Variants in GABRB1 observed in about 807,000 individuals in gnomAD.
GABRB1 encodes gamma-aminobutyric acid receptor subunit beta-1.
In GABRB1, 17 loss-of-function variants were observed where a neutral mutation model predicts 51.6. The observed-to-expected ratio is 0.33, with a 90% CI of 0.23 to 0.49. The LOEUF (loss-of-function observed/expected upper bound fraction) is 0.49. Ranked by LOEUF, GABRB1 falls within the 20% of genes least tolerant of loss-of-function variation. The pLI is 0.99. For missense variants in GABRB1, 410 were observed against 600.6 expected, an observed-to-expected ratio of 0.68 and a Z score of 3.32; for synonymous variants, 247 against 218.9, an observed-to-expected ratio of 1.13 and a Z score of -1.14.
In GABRB1 at chr4:47,354,989, T is replaced by TG. The variant is rs1372730294; in HGVS notation, c.544+34780_544+34781insG. Among the ~76,000 whole-genome samples the TG allele has an allele frequency of 9.3e-3, 1,206 of 130,328 alleles. 71 individuals are homozygous for TG. The highest frequency in any genetic ancestry group is 0.03 in the African/African-American group (1,033 of 34,098). The allele number at this position is 130,328 out of a possible 152,430, so 85.5% of individuals were successfully genotyped here. On this transcript the variant is annotated intron_variant, in intron 5 of 8. Transcript: ENST00000295454. The stretch of plus-strand genomic sequence containing the variant: ...CTTTCTTTCTTCCTTTGTTTTTTTT[T>TG]TTTTTTTTTTTTTTTTGACAGAATC...
chr4:47,261,927 A>G (rs906776562), intron 4 of GABRB1, among the ~76,000 whole-genome samples: 2 of 152,030 alleles, frequency 1.3e-5, no homozygotes, highest in African/African-American at 2.4e-5. Flanking sequence ...AAGCTGAGAA[A>G]AACAAGCAAT....
At chr4:47,263,199 TA>T (rs1293909469) in intron 4 of GABRB1, among the ~76,000 whole-genome samples, 3 of 98,180 alleles carry the variant, frequency 3.1e-5, no homozygotes, top group African/African-American at 7.2e-5. Context: ...ATAATAATAA[TA>T]AATAAATAAA....
chr4:47,306,621 C>T (rs2109945983), intron 4 of GABRB1, among the ~76,000 whole-genome samples: 1 of 152,166 alleles, frequency 6.6e-6, no homozygotes, highest in Admixed American at 6.6e-5. Flanking sequence ...ACTGTGTATC[C>T]TTTCAATGTG....
intron 1 of GABRB1, among the ~76,000 whole-genome samples, chr4:47,019,138 T>G (rs542777206): frequency 2.0e-5 from 3 of 152,262 alleles, no homozygotes; most frequent in South Asian, 4.1e-4. Context: ...AAATATGAAT[T>G]TCTCATCTGA....
At position 47,367,721 on chromosome 4, in the gene GABRB1, C is replaced by T. The variant is rs116996181; in HGVS notation, c.545-35597C>T. Among the ~76,000 whole-genome samples the T allele has an allele frequency of 1.2e-4, 19 of 152,326 alleles. No homozygotes were observed. The East Asian group carries it at 3.3e-3, about 26-fold the overall frequency. On this transcript the variant is annotated intron_variant, in intron 5 of 8. Transcript: ENST00000295454. ...ATTGCCCTGTATATTAGGTGGGACA[C>T]AGACCAGATTGCTAGAACAAATAAA...
intron 5 of GABRB1, among the ~76,000 whole-genome samples, chr4:47,361,694 C>T (rs1046720147): frequency 5.9e-5 from 9 of 152,082 alleles, no homozygotes; most frequent in African/African-American, 2.2e-4. Flanking sequence ...AGAGAAATTC[C>T]AGTGTTAAAA....
At chr4:47,417,990 GA>G (rs578209463) in intron 8 of GABRB1, among the ~76,000 whole-genome samples, 86 of 152,332 alleles carry the variant, frequency 5.6e-4, no homozygotes, top group Non-Finnish European at 1.0e-3. Flanking sequence ...GGGCAGAGAG[GA>G]GATAGTGAGT....
intron 4 of GABRB1, among the ~76,000 whole-genome samples, chr4:47,173,213 G>C (rs1009493813): frequency 5.3e-5 from 8 of 152,238 alleles, no homozygotes; most frequent in African/African-American, 1.7e-4. Context: ...TTATTGAAGA[G>C]AGAAATTTTT....
At chr4:47,080,156 T>A (rs2109564764) in intron 3 of GABRB1, among the ~76,000 whole-genome samples, 2 of 152,166 alleles carry the variant, frequency 1.3e-5, no homozygotes, top group Middle Eastern at 6.8e-3. Context: ...GAAATCCTCA[T>A]ACCATCAAGG....
At chr4:47,256,314 A>G (rs1325295969) in intron 4 of GABRB1, among the ~76,000 whole-genome samples, 1 of 152,246 alleles carries the variant, frequency 6.6e-6, no homozygotes, top group Non-Finnish European at 1.5e-5. Flanking sequence ...GTTTACATAC[A>G]TGCTAAAATA....
intron 4 of GABRB1, among the ~76,000 whole-genome samples, chr4:47,179,495 C>T (rs1718855225): frequency 6.6e-6 from 1 of 151,966 alleles, no homozygotes; most frequent in African/African-American, 2.4e-5. Flanking sequence ...ATGTTTATTG[C>T]AGCACTTTTC....
At chr4:47,088,578 C>T (rs1443185780) in intron 3 of GABRB1, among the ~76,000 whole-genome samples, 2 of 152,184 alleles carry the variant, frequency 1.3e-5, no homozygotes, top group African/African-American at 4.8e-5. Flanking sequence ...GCAGGCTGAC[C>T]TATCCAGGCC....
chr4:47,029,967 C>CT (rs1200489077), upstream of GABRB1, among the ~76,000 whole-genome samples: 1 of 152,108 alleles, frequency 6.6e-6, no homozygotes, highest in Non-Finnish European at 1.5e-5. Flanking sequence ...TATTCCTTCT[C>CT]TTTTTTTCTT....
chr4:47,043,507 C>A (rs62305280), intron 3 of GABRB1, among the ~76,000 whole-genome samples: 75,912 of 151,808 alleles, frequency 0.5, 19,173 homozygotes, highest in Non-Finnish European at 0.53. Flanking sequence ...TCACTGTTAC[C>A]AGACATAAAT....
chr4:47,385,943 G>A (rs142835349), intron 5 of GABRB1, among the ~76,000 whole-genome samples: 53 of 152,290 alleles, frequency 3.5e-4, no homozygotes, highest in African/African-American at 1.1e-3. Flanking sequence ...GGCAAAGAAT[G>A]GCAGGGAGTT....
chr4:47,344,707 G>T (rs1170067874), intron 5 of GABRB1, among the ~76,000 whole-genome samples: 4 of 150,792 alleles, frequency 2.7e-5, no homozygotes, highest in African/African-American at 9.7e-5. Context: ...GTTTTGTTTT[G>T]TGTGTGTGTT....
At chr4:47,292,736 G>A (rs1723796552) in intron 4 of GABRB1, among the ~76,000 whole-genome samples, 1 of 152,180 alleles carries the variant, frequency 6.6e-6, no homozygotes, top group Admixed American at 6.5e-5. Flanking sequence ...CAAGATTGAG[G>A]AGGGCCTGGC....
chr4:47,089,660 T>A (rs1465960224), intron 3 of GABRB1, among the ~76,000 whole-genome samples: 1 of 152,164 alleles, frequency 6.6e-6, no homozygotes, highest in Non-Finnish European at 1.5e-5. Flanking sequence ...AATATTCAGA[T>A]TCAAATATTA....
intron 3 of GABRB1, among the ~76,000 whole-genome samples, chr4:47,040,444 G>A (rs956007311): frequency 2.0e-5 from 3 of 152,038 alleles, no homozygotes; most frequent in Non-Finnish European, 4.4e-5. Flanking sequence ...TGACTCTTTG[G>A]ATGACAGGGG....
Sources: gnomAD v4.1 joint callset for allele counts (sites outside exome capture counted in the v4.1 genomes callset) on GRCh38, gnomAD v4.1.1 for gene constraint, MANE v1.5 for transcripts, NCBI Gene and HGNC (gene_info 2026-07-23, HGNC 2026-07-21) for gene names.